SLC2A9: variants seen among roughly 807,000 people sequenced by gnomAD.
SLC2A9 encodes solute carrier family 2, facilitated glucose transporter member 9.
In SLC2A9, 39 loss-of-function variants were observed where a neutral mutation model predicts 50.6. The ratio of observed to expected loss-of-function variants is 0.77; its 90% CI spans 0.60 to 1.01. The LOEUF is 1.01. Among genes scored for constraint, SLC2A9 ranks in the 50% least tolerant of loss-of-function variants. SLC2A9 has a pLI of 0.00. For missense variants in SLC2A9, 686 were observed against 677.6 expected (o/e 1.01, Z -0.14); for synonymous variants, 324 against 276.9 (o/e 1.17, Z -1.69).
intron 1 of SLC2A9, among the ~76,000 whole-genome samples, chr4:10,019,863 C>CACCA (rs1366378569): frequency 6.6e-6 from 1 of 152,248 alleles, no homozygotes; most frequent in Non-Finnish European, 1.5e-5. Context: ...GGACAGCCAC[C>CACCA]ACCAGTACAG....
chr4:10,007,493 G>A (rs1457736860), intron 2 of SLC2A9, among the ~76,000 whole-genome samples: 1 of 152,250 alleles, frequency 6.6e-6, no homozygotes, highest in African/African-American at 2.4e-5. Context: ...CACCTTTGCA[G>A]TGAGGGGGCA....
intron 10 of SLC2A9, among the ~76,000 whole-genome samples, chr4:9,837,381 A>T (rs931042190): frequency 6.6e-6 from 1 of 152,218 alleles, no homozygotes; most frequent in Non-Finnish European, 1.5e-5. Context: ...TCACACACTC[A>T]GTTGGTCCTG....
intron 1 of SLC2A9, among the ~76,000 whole-genome samples, chr4:10,027,980 G>T (rs1311488392): frequency 5.9e-5 from 9 of 152,126 alleles, no homozygotes; most frequent in Non-Finnish European, 1.2e-4. Flanking sequence ...CTCTCTTCCA[G>T]GCTGTTTTCT....
intron 3 of SLC2A9, among the ~76,000 whole-genome samples, chr4:9,790,467 C>T (rs1236981538): frequency 6.6e-6 from 1 of 152,126 alleles, no homozygotes; most frequent in African/African-American, 2.4e-5. Context: ...AACACATATG[C>T]CCTCATTCAT....
chr4:9,891,179 G>A (rs2109789903), intron 8 of SLC2A9, among the ~76,000 whole-genome samples: 1 of 152,284 alleles, frequency 6.6e-6, no homozygotes, highest in African/African-American at 2.4e-5. Context: ...GCCTGTGTCT[G>A]GGGAAGTCAA....
At chr4:9,974,031 ATATAG>A (rs931358706) in intron 5 of SLC2A9, among the ~76,000 whole-genome samples, 4 of 152,188 alleles carry the variant, frequency 2.6e-5, no homozygotes, top group Admixed American at 2.0e-4. Flanking sequence ...ATGCAAATCA[ATATAG>A]GTGATTCACC....
chr4:9,878,059 T>C (rs1382066806), intron 10 of SLC2A9, among the ~76,000 whole-genome samples: 1 of 152,058 alleles, frequency 6.6e-6, no homozygotes, highest in Non-Finnish European at 1.5e-5. Flanking sequence ...CTCCTCTTCC[T>C]CTGTGGGGGT....
chr4:10,019,900 C>T (rs1289102698), intron 1 of SLC2A9, among the ~76,000 whole-genome samples: 1 of 152,232 alleles, frequency 6.6e-6, no homozygotes, highest in Non-Finnish European at 1.5e-5. Context: ...CACCTGGATC[C>T]CTGGCAAAGG....
intron 6 of SLC2A9, among the ~76,000 whole-genome samples, chr4:9,921,261 T>C (rs1743899441): frequency 6.6e-6 from 1 of 152,202 alleles, no homozygotes; most frequent in South Asian, 2.1e-4. Flanking sequence ...GCCTTTTCCA[T>C]GTTGAACACT....
intron 3 of SLC2A9, among the ~76,000 whole-genome samples, chr4:9,811,187 T>C (rs1249980466): frequency 6.6e-6 from 1 of 152,198 alleles, no homozygotes; most frequent in East Asian, 1.9e-4. Flanking sequence ...CTTCGTGAGA[T>C]TGAAGTCTGG....
At chr4:9,954,281 T>G (rs1194661058) in intron 5 of SLC2A9, among the ~76,000 whole-genome samples, 2 of 152,252 alleles carry the variant, frequency 1.3e-5, no homozygotes, top group Non-Finnish European at 2.9e-5. Context: ...CTGTCACTGT[T>G]ACCATTTCAC....
intron 7 of SLC2A9, among the ~76,000 whole-genome samples, chr4:9,916,992 C>T (rs539856130): frequency 3.3e-5 from 5 of 152,306 alleles, no homozygotes; most frequent in African/African-American, 9.6e-5. Context: ...TAATAGCTCT[C>T]TCCAGGTGAG....
chr4:9,975,883 T>C (rs1169900267), intron 5 of SLC2A9, among the ~76,000 whole-genome samples: 2 of 152,236 alleles, frequency 1.3e-5, no homozygotes, highest in Non-Finnish European at 2.9e-5. Flanking sequence ...AAAGAAAATG[T>C]GATACACATA....
Position 9,887,570 on chromosome 4 carries a change from GC to G in SLC2A9, c.1287del (p.Pro430GlnfsTer8). The G allele has an allele frequency of 6.4e-7, 1 of 1,562,648 alleles. No individual in the cohort carries two copies. Among genetic ancestry groups the G allele is most frequent in the Non-Finnish European group, 8.7e-7 (1 of 1,154,354 alleles). On this transcript the variant is annotated frameshift_variant, in exon 10 of 12. Coordinates refer to ENST00000264784, the MANE Select transcript of SLC2A9 (RefSeq NM_020041.3). LOFTEE classifies it high-confidence loss of function. ...TGGGGAGGGTGGGGTGCCTTACCTG[GC>G]CCACTGCAGAAAGAGGCGATGATGG... ...ILAIIASFCS[G>X]PGGIPFILTG...
intron 1 of SLC2A9, among the ~76,000 whole-genome samples, chr4:9,771,722 G>GGT (rs1232573185): frequency 6.6e-6 from 1 of 152,262 alleles, no homozygotes; most frequent in African/African-American, 2.4e-5. Flanking sequence ...GCTAGAGGCA[G>GGT]GTGCAGCGTG....
downstream of SLC2A9, among the ~76,000 whole-genome samples, chr4:9,823,519 T>A (rs1878277): frequency 0.93 from 142,067 of 152,288 alleles, 66,549 homozygotes; most frequent in Non-Finnish European, 0.96. Flanking sequence ...GATTATCAAC[T>A]TAGGTAACAG....
intron 2 of SLC2A9, among the ~76,000 whole-genome samples, chr4:10,018,744 C>T (rs1763082074): frequency 6.6e-6 from 1 of 152,064 alleles, no homozygotes; most frequent in South Asian, 2.1e-4. Context: ...AACGTTCTCC[C>T]AGGACACCCG....
intron 5 of SLC2A9, among the ~76,000 whole-genome samples, chr4:9,950,128 A>T (rs1749957737): frequency 6.6e-6 from 1 of 152,200 alleles, no homozygotes; most frequent in Non-Finnish European, 1.5e-5. Context: ...ACAGAGTACA[A>T]GCCAGCTAGT....
intron 1 of SLC2A9, among the ~76,000 whole-genome samples, chr4:10,032,978 G>T (rs1298915145): frequency 1.3e-5 from 2 of 152,108 alleles, no homozygotes; most frequent in Non-Finnish European, 2.9e-5. Flanking sequence ...TTAAAAAGAT[G>T]CATGTAAAGC....
Sources: allele counts gnomAD v4.1 joint callset (sites outside exome capture counted in the v4.1 genomes callset), GRCh38; gene constraint gnomAD v4.1.1; transcripts MANE v1.5; gene names NCBI Gene and HGNC (gene_info 2026-07-23, HGNC 2026-07-21).